HADHB: variants seen among roughly 807,000 people sequenced by gnomAD.
The protein encoded by HADHB is hydroxyacyl-CoA dehydrogenase trifunctional multienzyme complex subunit beta, also known as trifunctional enzyme subunit beta, mitochondrial.
Under a neutral mutation model 61.9 loss-of-function variants are expected in HADHB, and 50 were observed. That is an observed-to-expected ratio of 0.81 (90% CI 0.64 to 1.02). The LOEUF (loss-of-function observed/expected upper bound fraction) is 1.02, where lower values mean the gene tolerates loss of function less well. HADHB is among the 50% of genes least tolerant of loss of function. The pLI is 0.00. For synonymous variants in HADHB, 191 were observed against 201.6 expected (o/e 0.95, Z 0.45); for missense variants, 504 against 586.5 (o/e 0.86, Z 1.45).
chr2:26,280,404 A>G (rs1434908800), intron 10 of HADHB, among the ~76,000 whole-genome samples: 1 of 152,188 alleles, frequency 6.6e-6, no homozygotes, highest in Non-Finnish European at 1.5e-5. Context: ...AAAAGAATAG[A>G]CAATTGCAAT....
At chr2:26,268,828 G>T (rs1672207893) in intron 4 of HADHB, among the ~76,000 whole-genome samples, 1 of 152,128 alleles carries the variant, frequency 6.6e-6, no homozygotes, top group African/African-American at 2.4e-5. Flanking sequence ...GTATATCATG[G>T]TTATGTAAGA....
intron 3 of HADHB, 39 bp from the exon 4 acceptor site, chr2:26,263,341 T>C (rs762111652): frequency 4.0e-5 from 48 of 1,207,112 alleles, no homozygotes; most frequent in Middle Eastern, 2.2e-4. Context: ...CTTTATATAT[T>C]TTAATTAGTA....
At chr2:26,259,488 G>C (rs147555894) in intron 3 of HADHB, among the ~76,000 whole-genome samples, 1 of 152,018 alleles carries the variant, frequency 6.6e-6, no homozygotes, top group African/African-American at 2.4e-5. Context: ...TTTAAGATAC[G>C]TTCCCCTACA....
Position 26,282,832 on chromosome 2 carries a change from G to T in HADHB, c.934-13G>T, listed in dbSNP as rs775764398. The T allele has an allele frequency of 3.9e-5, 62 of 1,597,584 alleles. No homozygotes were observed. ...GCTGAAGAATTTTAACATTGTGCTG[G>T]TTAACATTTCAGACTGATGGTGCAT... On this transcript the variant is annotated splice_polypyrimidine_tract_variant and intron_variant, in intron 10 of 15. Transcript: ENST00000317799.
At chr2:26,261,564 C>A in intron 3 of HADHB, 1 of 153,588 alleles carries the variant, frequency 6.5e-6, no homozygotes, top group Non-Finnish European at 1.5e-5. Context: ...CACTTGAGGT[C>A]AGGAGTTCAA....
intron 1 of HADHB, among the ~76,000 whole-genome samples, chr2:26,253,010 A>G (rs947156568): frequency 2.0e-5 from 3 of 152,218 alleles, no homozygotes; most frequent in Non-Finnish European, 2.9e-5. Flanking sequence ...TTGAGAGACA[A>G]TTATATCTGT....
At chr2:26,274,009 T>A (rs1414496204) in intron 6 of HADHB, among the ~76,000 whole-genome samples, 1 of 152,220 alleles carries the variant, frequency 6.6e-6, no homozygotes, top group Non-Finnish European at 1.5e-5. Context: ...TAGGACATTG[T>A]CTCTTGTGTT....
Position 26,280,087 on chromosome 2 carries a change from C to T in HADHB, c.905C>T (p.Thr302Ile). The change falls in exon 10 of 16, where the codon ACA becomes ATA. Residue 302 changes from threonine to isoleucine, a missense_variant. Physicochemically the swap from Thr to Ile is moderately conservative, Grantham distance 89. Coordinates refer to ENST00000317799, the MANE Select transcript of HADHB (RefSeq NM_000183.3). ...LKPAFIKPYG[T>I]VTAANSSFLT... ...CCTGCATTCATCAAGCCCTACGGCA[C>T]AGTGACAGCTGCAAATTCTTCTTTC... 6.2e-7 allele frequency: 1 copy of T among 1,612,478 alleles called. No homozygotes were observed. Among genetic ancestry groups the T allele is most frequent in the Non-Finnish European group, 8.5e-7 (1 of 1,178,612 alleles).
chr2:26,269,166 C>T (rs1020292192), intron 4 of HADHB, among the ~76,000 whole-genome samples: 5 of 148,682 alleles, frequency 3.4e-5, no homozygotes, highest in Admixed American at 6.7e-5. Flanking sequence ...AAAAAAAAAA[C>T]AGCAGGGGGA....
At chr2:26,279,336 A>T (rs376313733) in intron 9 of HADHB, 21 bp downstream of exon 9, 48 of 1,549,102 alleles carry the variant, frequency 3.1e-5, no homozygotes, top group Non-Finnish European at 4.2e-5. Context: ...ATGCTTCATG[A>T]CACTTATTAG....
At chr2:26,278,374 T>C (rs1672643172) in intron 7 of HADHB, among the ~76,000 whole-genome samples, 1 of 152,270 alleles carries the variant, frequency 6.6e-6, no homozygotes, top group African/African-American at 2.4e-5. Context: ...GTCCAATGGA[T>C]ATTCCTAGAA....
intron 1 of HADHB, among the ~76,000 whole-genome samples, chr2:26,247,593 C>G (rs1671217566): frequency 6.6e-6 from 1 of 152,188 alleles, no homozygotes; most frequent in Admixed American, 6.5e-5. Flanking sequence ...GTGAGTTCTA[C>G]ATCCTCAGAT....
At position 26,249,081 on chromosome 2, in the gene HADHB, T is replaced by A. The variant is rs72849938; in HGVS notation, c.-9+4091T>A. ...TCAAAAAAAAAAAGAAAATCACAAC[T>A]TTTTGTTAGTGAGGTTGAACATTAT... On this transcript the variant is annotated intron_variant, in intron 1 of 15. Coordinates refer to ENST00000317799, the MANE Select transcript of HADHB (RefSeq NM_000183.3). Among the ~76,000 whole-genome samples, 949 of 151,784 alleles carry A rather than the reference T, an allele frequency of 6.3e-3. 7 individuals are homozygous for A. Among genetic ancestry groups the A allele is most frequent in the African/African-American group, 0.021 (887 of 41,410 alleles).
intron 1 of HADHB, 147 bp from the exon 2 acceptor site, chr2:26,254,100 A>G (rs2147800551): frequency 1.6e-6 from 1 of 612,592 alleles, no homozygotes; most frequent in East Asian, 2.8e-5. Flanking sequence ...CTATCATAAT[A>G]ATATTATTAG....
intron 3 of HADHB, among the ~76,000 whole-genome samples, chr2:26,259,298 A>C (rs1272836013): frequency 6.6e-6 from 1 of 152,190 alleles, no homozygotes; most frequent in Non-Finnish European, 1.5e-5. Flanking sequence ...GCCTGGCTCT[A>C]GTGGCCAAAG....
At position 26,273,677 on chromosome 2, in the gene HADHB, C is replaced by G. The variant is rs1672436804; in HGVS notation, c.281C>G (p.Pro94Arg). ...LTGLLHRTSV[P>R]KEVVDYIIFG... ...GGTTTGTTGCATCGGACCAGTGTCC[C>G]TAAGGAAGTAGTTGATTATATCATC... The change falls in exon 6 of 16, where the codon CCT becomes CGT. Residue 94 changes from proline to arginine, a missense_variant. Pro to Arg is a moderately radical substitution (Grantham distance 103). Transcript: ENST00000317799. 1 of 1,606,014 alleles carries G rather than the reference C, an allele frequency of 6.2e-7. No individual in the cohort carries two copies. The highest frequency in any genetic ancestry group is 8.5e-7 in the Non-Finnish European group (1 of 1,172,958).
chr2:26,260,803 T>C (rs1002360515), intron 3 of HADHB: 2 of 579,292 alleles, frequency 3.5e-6, no homozygotes, highest in African/African-American at 3.8e-5. Context: ...CCACATGGTA[T>C]GTCCCTTTCC....
chr2:26,257,672 G>T (rs552788399), intron 3 of HADHB, among the ~76,000 whole-genome samples: 1 of 152,114 alleles, frequency 6.6e-6, no homozygotes, highest in African/African-American at 2.4e-5. Flanking sequence ...GGCCCACAAC[G>T]TTAAAGATGT....
chr2:26,269,412 GC>G (rs1467071714), intron 4 of HADHB, among the ~76,000 whole-genome samples: 1 of 151,900 alleles, frequency 6.6e-6, no homozygotes, highest in Non-Finnish European at 1.5e-5. Flanking sequence ...TGTTACCCAG[GC>G]TGGTCTTGAA....
Sources: gnomAD v4.1 joint callset for allele counts (sites outside exome capture counted in the v4.1 genomes callset) on GRCh38, gnomAD v4.1.1 for gene constraint, MANE v1.5 for transcripts, NCBI Gene and HGNC (gene_info 2026-07-23, HGNC 2026-07-21) for gene names.